The following PRKN variants were observed in gnomAD, a reference collection of about 807,000 sequenced individuals.
The protein encoded by PRKN is parkin RBR E3 ubiquitin protein ligase.
PRKN carries 56 observed loss-of-function variants against 59.5 expected under a neutral mutation model. The observed-to-expected ratio is 0.94, with a 90% CI of 0.76 to 1.18. The LOEUF is 1.18. Among genes scored for constraint, PRKN ranks in the 50% most tolerant of loss-of-function variants. PRKN has a pLI of 0.00. For missense variants in PRKN, 657 were observed against 596.4 expected, an observed-to-expected ratio of 1.10 and a Z score of -1.06; for synonymous variants, 250 against 222.1, an observed-to-expected ratio of 1.13 and a Z score of -1.12.
chr6:161,349,929 C>A lies in PRKN; in HGVS notation c.*170G>T. On this transcript the variant is annotated 3_prime_UTR_variant, in exon 12 of 12. Transcript: ENST00000366898. The surrounding 1 kb of genome is among the most constrained non-coding windows in gnomAD (Gnocchi z 5.5). The stretch of plus-strand genomic sequence containing the variant: ...TTTTCATGGACATAGTGAAAGGGAT[C>A]CAGGAGTTTCTTCTGCAATTTGGCT... 1.5e-6 allele frequency: 1 copy of A among 664,278 alleles called. No individual in the cohort carries two copies. The highest frequency in any genetic ancestry group is 2.7e-5 in the East Asian group (1 of 36,660). 41.1% of individuals were successfully genotyped at this position (664,278 alleles called of 1,614,324 possible).
At chr6:162,045,399 C>T (rs976222183) in intron 5 of PRKN, among the ~76,000 whole-genome samples, 2 of 152,180 alleles carry the variant, frequency 1.3e-5, no homozygotes, top group African/African-American at 4.8e-5. Flanking sequence ...GGAATGATGA[C>T]TGCCTACTTG....
At chr6:162,567,698 A>G (rs1780141851) in intron 1 of PRKN, among the ~76,000 whole-genome samples, 1 of 152,220 alleles carries the variant, frequency 6.6e-6, no homozygotes, top group Non-Finnish European at 1.5e-5. Context: ...ACACAAAGCA[A>G]TCTACAGTTT....
At position 161,881,538 on chromosome 6, in the gene PRKN, G is replaced by A. The variant is rs571990831; in HGVS notation, c.734+91764C>T. Reference sequence around the variant, plus strand: ...CAAATATGCATTCCCTCCTGCACTCGGTAAGGGGCCAGGACAAATGGGAAG... The same window carrying A: ...CAAATATGCATTCCCTCCTGCACTCAGTAAGGGGCCAGGACAAATGGGAAG... On this transcript the variant is annotated intron_variant, in intron 6 of 11. Transcript: ENST00000366898. 2.6e-5 allele frequency among the ~76,000 whole-genome samples: 4 copies of A among 152,138 alleles called. No homozygotes were observed. In the South Asian group the frequency reaches 6.2e-4, roughly 24 times the overall value.
chr6:162,433,525 T>C (rs948764758), intron 2 of PRKN, among the ~76,000 whole-genome samples: 3 of 151,938 alleles, frequency 2.0e-5, no homozygotes, highest in Middle Eastern at 6.8e-3. Context: ...ATAAAAAGTT[T>C]TAGGCTCCTA....
At chr6:162,446,386 T>C (rs1247161807) in intron 1 of PRKN, among the ~76,000 whole-genome samples, 3 of 152,232 alleles carry the variant, frequency 2.0e-5, no homozygotes, top group African/African-American at 7.2e-5. Flanking sequence ...CCTAAGTTTA[T>C]GATTTTGCTC....
intron 7 of PRKN, among the ~76,000 whole-genome samples, chr6:161,706,148 G>A (rs1366195120): frequency 6.6e-6 from 1 of 151,530 alleles, no homozygotes; most frequent in Non-Finnish European, 1.5e-5. Context: ...TACCCATTTC[G>A]ATTCATCCTG....
chr6:161,443,016 C>T (rs899149969), intron 9 of PRKN, among the ~76,000 whole-genome samples: 3 of 152,020 alleles, frequency 2.0e-5, no homozygotes, highest in Admixed American at 1.3e-4. Flanking sequence ...GGATTAGAAT[C>T]AGGGAGCGAG....
chr6:161,685,014 A>T (rs1481992731), intron 7 of PRKN, among the ~76,000 whole-genome samples: 1 of 152,252 alleles, frequency 6.6e-6, no homozygotes, highest in South Asian at 2.1e-4. Flanking sequence ...ACATGATATC[A>T]TTGACTATTG....
chr6:161,945,781 A>G (rs561786601), intron 6 of PRKN, among the ~76,000 whole-genome samples: 1 of 152,322 alleles, frequency 6.6e-6, no homozygotes, highest in East Asian at 1.9e-4. Flanking sequence ...TTGAAGCTAG[A>G]CATGACAGTT....
intron 7 of PRKN, among the ~76,000 whole-genome samples, chr6:161,759,921 C>G (rs1261633473): frequency 6.6e-6 from 1 of 152,122 alleles, no homozygotes; most frequent in African/African-American, 2.4e-5. Flanking sequence ...GTAAAAGAAG[C>G]TTTGTGATAC....
chr6:161,524,525 T>A (rs1778950379), intron 9 of PRKN, among the ~76,000 whole-genome samples: 1 of 152,014 alleles, frequency 6.6e-6, no homozygotes, highest in Admixed American at 6.6e-5. Flanking sequence ...TTTTTTAGTA[T>A]ATTTGGTAGA....
Position 162,011,488 on chromosome 6 carries a change from A to AT in PRKN, c.619-38072dup. ...ATTATAATATATAATATATTATAAT[A>AT]TATATAATATATATTTATTATATAT... On this transcript the variant is annotated intron_variant, in intron 5 of 11. Coordinates refer to ENST00000366898, the MANE Select transcript of PRKN (RefSeq NM_004562.3). 5.6e-5 allele frequency among the ~76,000 whole-genome samples: 2 copies of AT among 35,890 alleles called. 1 individual carries two copies. Among genetic ancestry groups the AT allele is most frequent in the East Asian group, 1.6e-3 (2 of 1,246 alleles). The allele number at this position is 35,890 out of a possible 152,430, so 23.5% of individuals were successfully genotyped here. A position where few individuals can be genotyped will look rare whatever the true frequency, so the allele number is the denominator to read the frequency against.
rs567645002 is a variant in PRKN at position 161,475,961 on chromosome 6, C to T, written c.1083+72893G>A. ...CAGCATTTTGGGAGGCCAAGGTGGG[C>T]GGATCACGAGGTCAGGAGATGGAGA... On this transcript the variant is annotated intron_variant, in intron 9 of 11. Coordinates refer to ENST00000366898, the MANE Select transcript of PRKN (RefSeq NM_004562.3). This position sits in a 1 kb window ranked among gnomAD's most constrained non-coding sequence, Gnocchi z 5.3. Among the ~76,000 whole-genome samples the T allele has an allele frequency of 9.2e-5, 14 of 151,996 alleles. No individual in the cohort carries two copies. The highest frequency in any genetic ancestry group is 5.8e-4 in the East Asian group (3 of 5,176).
intron 7 of PRKN, among the ~76,000 whole-genome samples, chr6:161,783,883 G>A (rs1790310671): frequency 6.6e-6 from 1 of 152,164 alleles, no homozygotes; most frequent in South Asian, 2.1e-4. Flanking sequence ...ATGCTTAAAA[G>A]TGAGTATCAT....
intron 3 of PRKN, among the ~76,000 whole-genome samples, chr6:162,248,385 T>A (rs1779287310): frequency 6.6e-6 from 1 of 152,182 alleles, no homozygotes; most frequent in African/African-American, 2.4e-5. Context: ...ATATTGCTGG[T>A]CACTGTAGTA....
chr6:162,642,597 A>G (rs550279658), intron 1 of PRKN, among the ~76,000 whole-genome samples: 1 of 152,156 alleles, frequency 6.6e-6, no homozygotes, highest in Non-Finnish European at 1.5e-5. Context: ...CTTTTTGGTT[A>G]GCAAACCAAT....
At chr6:162,601,837 T>C (rs1781725928) in intron 1 of PRKN, among the ~76,000 whole-genome samples, 2 of 152,194 alleles carry the variant, frequency 1.3e-5, no homozygotes, top group South Asian at 4.1e-4. Flanking sequence ...CAGGGAAGAA[T>C]TGTGATTCCA....
chr6:162,534,190 G>A (rs1217414890), intron 1 of PRKN, among the ~76,000 whole-genome samples: 1 of 151,926 alleles, frequency 6.6e-6, no homozygotes, highest in Non-Finnish European at 1.5e-5. Flanking sequence ...GTGATTCTTC[G>A]CCATCTTACG....
intron 7 of PRKN, among the ~76,000 whole-genome samples, chr6:161,706,100 C>T (rs1786480034): frequency 6.6e-6 from 1 of 152,016 alleles, no homozygotes; most frequent in Non-Finnish European, 1.5e-5. Flanking sequence ...CATTCCCCTC[C>T]TTTCCCCCCA....
Sources: gnomAD v4.1 joint callset for allele counts (sites outside exome capture counted in the v4.1 genomes callset) on GRCh38, gnomAD v4.1.1 for gene constraint, Gnocchi (gnomAD v3.1) non-coding constraint, MANE v1.5 for transcripts, NCBI Gene and HGNC (gene_info 2026-07-23, HGNC 2026-07-21) for gene names.